The following MAML2 variants were observed in gnomAD, a reference collection of about 807,000 sequenced individuals.
The protein encoded by MAML2 is mastermind-like protein 2.
Under a neutral mutation model 96.1 loss-of-function variants are expected in MAML2, and 22 were observed. The ratio of observed to expected loss-of-function variants is 0.23; its 90% CI spans 0.16 to 0.33. The LOEUF is 0.33. MAML2 is among the 10% of genes least tolerant of loss of function. MAML2 has a pLI of 1.00. For missense variants in MAML2, 1,367 were observed against 1,392.4 expected (o/e 0.98, Z 0.29); for synonymous variants, 561 against 521.3 (o/e 1.08, Z -1.04).
chr11:95,984,038 A>T (rs1257364626), intron 4 of MAML2, among the ~76,000 whole-genome samples: 1 of 151,776 alleles, frequency 6.6e-6, no homozygotes, highest in Non-Finnish European at 1.5e-5. Flanking sequence ...TGCAAGCTCC[A>T]TTCACGGTAA....
At chr11:96,332,232 T>G (rs1318330191) in intron 1 of MAML2, among the ~76,000 whole-genome samples, 1 of 152,196 alleles carries the variant, frequency 6.6e-6, no homozygotes. Flanking sequence ...ACAATTCCCA[T>G]GCAACACGCA....
In MAML2 at chr11:96,343,174, G is replaced by A. The variant is rs1021647566; in HGVS notation, c.-1279C>T. 4 of 346,850 alleles carry A rather than the reference G, an allele frequency of 1.2e-5. No homozygotes were observed. Among genetic ancestry groups the A allele is most frequent in the Middle Eastern group, 7.2e-4 (1 of 1,386 alleles). 21.5% of individuals were successfully genotyped at this position (346,850 alleles called of 1,614,324 possible). Reference sequence around the variant, plus strand: ...AGGCTTTCATTGTGCTCCGATAGGAGAGGGAGAGAAAGAGAGAGAGTGAGA... The same window carrying A: ...AGGCTTTCATTGTGCTCCGATAGGAAAGGGAGAGAAAGAGAGAGAGTGAGA... On this transcript the variant is annotated 5_prime_UTR_variant, in exon 1 of 5. Transcript: ENST00000524717.
chr11:96,169,331 T>C (rs34655618), intron 1 of MAML2, among the ~76,000 whole-genome samples: 3,439 of 152,360 alleles, frequency 0.023, 67 homozygotes, highest in Non-Finnish European at 0.038. Flanking sequence ...AAAGCACACC[T>C]GAAACAAAGA....
intron 2 of MAML2, among the ~76,000 whole-genome samples, chr11:95,994,844 T>C (rs1857967744): frequency 6.6e-6 from 1 of 152,210 alleles, no homozygotes. Context: ...TTCATCTTCT[T>C]TGCATTGCCA....
At chr11:96,137,843 G>C (rs1017715116) in intron 1 of MAML2, among the ~76,000 whole-genome samples, 1 of 152,118 alleles carries the variant, frequency 6.6e-6, no homozygotes, top group Non-Finnish European at 1.5e-5. Flanking sequence ...TGGTTCCTAA[G>C]ACTGTTATTT....
intron 1 of MAML2, among the ~76,000 whole-genome samples, chr11:96,239,786 T>C (rs942070050): frequency 6.6e-6 from 1 of 152,216 alleles, no homozygotes; most frequent in Admixed American, 6.5e-5. Flanking sequence ...TGGTCAATAA[T>C]GTAGGTATAT....
At chr11:96,111,235 C>A (rs1349501938) in intron 1 of MAML2, among the ~76,000 whole-genome samples, 1 of 152,054 alleles carries the variant, frequency 6.6e-6, no homozygotes, top group South Asian at 2.1e-4. Flanking sequence ...AAGTAACACC[C>A]TTTTTTCCTC....
At chr11:96,110,160 T>C (rs1177346717) in intron 1 of MAML2, among the ~76,000 whole-genome samples, 2 of 152,088 alleles carry the variant, frequency 1.3e-5, no homozygotes, top group African/African-American at 4.8e-5. Context: ...AGGTGCCAAG[T>C]TGCAATGTTT....
At chr11:96,126,215 T>C (rs892551722) in intron 1 of MAML2, among the ~76,000 whole-genome samples, 4 of 152,112 alleles carry the variant, frequency 2.6e-5, no homozygotes. Context: ...AGATAAAGTA[T>C]AGAAACAAGA....
chr11:96,156,121 C>G (rs946912144), intron 1 of MAML2, among the ~76,000 whole-genome samples: 1 of 152,156 alleles, frequency 6.6e-6, no homozygotes, highest in Non-Finnish European at 1.5e-5. Context: ...GCTTCGCCTC[C>G]GTAACCCAGG....
At chr11:96,266,501 G>A (rs915090539) in intron 1 of MAML2, among the ~76,000 whole-genome samples, 17 of 151,914 alleles carry the variant, frequency 1.1e-4, no homozygotes, top group Non-Finnish European at 2.1e-4. Context: ...AACCCAGGAG[G>A]CGGAGCTTGC....
chr11:96,317,101 T>TG (rs994526069), intron 1 of MAML2, among the ~76,000 whole-genome samples: 4 of 152,174 alleles, frequency 2.6e-5, no homozygotes, highest in African/African-American at 9.6e-5. Flanking sequence ...CTCGGTGTCC[T>TG]GTTCCTGCTT....
intron 1 of MAML2, among the ~76,000 whole-genome samples, chr11:96,101,820 C>A (rs1056650868): frequency 1.8e-4 from 28 of 152,284 alleles, no homozygotes; most frequent in African/African-American, 6.7e-4. Flanking sequence ...GTAACAAAAC[C>A]AGATTTTTTT....
chr11:96,340,106 G>T (rs1452737920), intron 1 of MAML2, among the ~76,000 whole-genome samples: 2 of 152,166 alleles, frequency 1.3e-5, no homozygotes, highest in African/African-American at 2.4e-5. Flanking sequence ...GAGATTCCCA[G>T]GGTCTTCGTC....
At position 96,153,139 on chromosome 11, in the gene MAML2, A is replaced by G. The variant is rs528393504; in HGVS notation, c.514-59622T>C. On this transcript the variant is annotated intron_variant, in intron 1 of 4. Transcript: ENST00000524717. Reference sequence around the variant, plus strand: ...GGTATAAAATTTAGGCCCCATCTGGATTTTCTGCTTCTGTTTTTAGAATTT... The same window carrying G: ...GGTATAAAATTTAGGCCCCATCTGGGTTTTCTGCTTCTGTTTTTAGAATTT... Among the ~76,000 whole-genome samples the G allele has an allele frequency of 4.0e-5, 6 of 150,798 alleles. No homozygotes were observed. In the South Asian group the frequency reaches 8.4e-4, roughly 21 times the overall value.
At chr11:96,149,238 C>G (rs942440358) in intron 1 of MAML2, among the ~76,000 whole-genome samples, 4 of 151,370 alleles carry the variant, frequency 2.6e-5, no homozygotes, top group Admixed American at 2.6e-4. Context: ...ATGGTGAAAC[C>G]CTGTCTCTAC....
chr11:96,207,590 G>T (rs888794368), intron 1 of MAML2, among the ~76,000 whole-genome samples: 3 of 152,228 alleles, frequency 2.0e-5, no homozygotes, highest in Non-Finnish European at 2.9e-5. Context: ...GTGAGATAGT[G>T]TGGTTGCCTC....
chr11:96,274,534 A>C (rs2135981791), intron 1 of MAML2, among the ~76,000 whole-genome samples: 1 of 152,220 alleles, frequency 6.6e-6, no homozygotes, highest in South Asian at 2.1e-4. Flanking sequence ...ATTCCTTATG[A>C]ATTATGTAGT....
intron 2 of MAML2, among the ~76,000 whole-genome samples, chr11:96,080,473 A>G (rs1466868910): frequency 6.6e-6 from 1 of 152,240 alleles, no homozygotes; most frequent in Non-Finnish European, 1.5e-5. Context: ...GAAGACAGTA[A>G]TTGCATTTTG....
Sources: allele counts gnomAD v4.1 joint callset (sites outside exome capture counted in the v4.1 genomes callset), GRCh38; gene constraint gnomAD v4.1.1; transcripts MANE v1.5; gene names NCBI Gene and HGNC (gene_info 2026-07-23, HGNC 2026-07-21).